Variants in AP5Z1 observed in about 807,000 individuals in gnomAD.
The protein encoded by AP5Z1 is AP-5 complex subunit zeta-1.
A neutral mutation model predicts 83.0 loss-of-function variants in AP5Z1; 106 were observed. The ratio of observed to expected loss-of-function variants is 1.28; its 90% CI spans 1.09 to 1.50. The LOEUF (loss-of-function observed/expected upper bound fraction) is 1.50, where lower values mean the gene tolerates loss of function less well. Among genes scored for constraint, AP5Z1 ranks in the 40% most tolerant of loss-of-function variants. AP5Z1 has a pLI of 0.00. For synonymous variants in AP5Z1, 751 were observed against 514.1 expected, an observed-to-expected ratio of 1.46 and a Z score of -6.23; for missense variants, 1,565 against 1,094.2, an observed-to-expected ratio of 1.43 and a Z score of -6.07.
chr7:4,777,351 C>CTTTT (rs1256767624), intron 1 of AP5Z1, among the ~76,000 whole-genome samples: 2 of 139,248 alleles, frequency 1.4e-5, no homozygotes, highest in Admixed American at 1.4e-4. Context: ...AGGAAGAGCC[C>CTTTT]TCTTTATTTA....
chr7:4,789,444 C>T (rs1781673334), intron 13 of AP5Z1, among the ~76,000 whole-genome samples: 1 of 152,238 alleles, frequency 6.6e-6, no homozygotes, highest in African/African-American at 2.4e-5. Flanking sequence ...CCCCCATCTC[C>T]CCCATTGCTG....
At position 4,785,617 on chromosome 7, in the gene AP5Z1, G is replaced by C; in HGVS notation, c.1065G>C (p.Gly355=). Residue 355 remains glycine (G), a synonymous_variant, in exon 9 of 17, where the codon GGG becomes GGC. Coordinates refer to ENST00000649063, the MANE Select transcript of AP5Z1 (RefSeq NM_014855.3). ...TCTCCTGCCTGAAGGCCCTGCACGG[G>C]CGGGTGCGCGGGGACCCGGCCTCTG... ...RSLSCLKALH[G]RVRGDPASVR... 6.3e-7 allele frequency: 1 copy of C among 1,579,736 alleles called. No homozygotes were observed. The highest frequency in any genetic ancestry group is 8.6e-7 in the Non-Finnish European group (1 of 1,166,008).
intron 3 of AP5Z1, 80 bp from the exon 4 acceptor site, chr7:4,783,236 T>C: frequency 6.8e-7 from 1 of 1,478,066 alleles, no homozygotes; most frequent in Non-Finnish European, 9.0e-7. Flanking sequence ...TTCTCAGGAG[T>C]GTCACACAGA....
In AP5Z1 at chr7:4,790,660, T is replaced by C; in HGVS notation, c.1939-13T>C. ...GGCCTGGGTGGGGGCTGAATCTCTG[T>C]CCCCGGGCCTAGGTGTGGGCCATCG... On this transcript the variant is annotated splice_polypyrimidine_tract_variant and intron_variant, in intron 15 of 16. Coordinates refer to ENST00000649063, the MANE Select transcript of AP5Z1 (RefSeq NM_014855.3). 1 of 1,612,002 alleles carries C rather than the reference T, an allele frequency of 6.2e-7. No homozygotes were observed. The highest frequency in any genetic ancestry group is 1.1e-5 in the South Asian group (1 of 91,026).
intron 7 of AP5Z1, 44 bp from the exon 8 acceptor site, chr7:4,785,371 C>T (rs1331620848): frequency 1.2e-6 from 2 of 1,604,740 alleles, no homozygotes; most frequent in Non-Finnish European, 1.7e-6. Flanking sequence ...TTGGGCCACT[C>T]TAAGGCTGAG....
At position 4,792,274 on chromosome 7, in the gene AP5Z1, A is replaced by C. The variant is rs1261508284; in HGVS notation, c.*889A>C. 1 of 151,610 alleles carries C rather than the reference A, an allele frequency of 6.6e-6. No individual in the cohort carries two copies. The highest frequency in any genetic ancestry group is 2.0e-4 in the East Asian group (1 of 5,122). The allele number at this position is 151,610 out of a possible 1,614,324, so 9.4% of individuals were successfully genotyped here. ...CGCCAGGGGGCGCCGCCGCCCCGAG[A>C]GCCTCACGCCCCGCCCCCAGGCTCA... On this transcript the variant is annotated 3_prime_UTR_variant, in exon 17 of 17. Transcript: ENST00000649063.
intron 12 of AP5Z1, 39 bp downstream of exon 12, chr7:4,788,333 G>A: frequency 6.5e-7 from 1 of 1,533,616 alleles, no homozygotes; most frequent in Non-Finnish European, 8.8e-7. Flanking sequence ...CAGTGGCTCA[G>A]AGAGCCCGGC....
chr7:4,784,177 C>T, intron 5 of AP5Z1, 26 bp from the exon 6 acceptor site: 1 of 1,565,486 alleles, frequency 6.4e-7, no homozygotes, highest in East Asian at 2.4e-5. Context: ...GCCCCCTCCG[C>T]CCACTCCTGC....
rs1781620514 is a variant in AP5Z1 at position 4,788,232 on chromosome 7, C to A, written c.1533C>A (p.Asp511Glu). The change falls in exon 12 of 17, where the codon GAC (aspartate) becomes GAA (glutamate). Residue 511 changes from aspartate to glutamate, a missense_variant. Coordinates refer to ENST00000649063, the MANE Select transcript of AP5Z1 (RefSeq NM_014855.3). The part of the protein sequence containing the change: ...RAPSCLEAFR[D>E]PQFQGLFQYL... ...CCAGCTGCCTGGAGGCCTTCCGGGA[C>A]CCGCAGTTCCAGGGTCTTTTCCAAT... 1 of 1,577,370 alleles carries A rather than the reference C, an allele frequency of 6.3e-7. No individual in the cohort carries two copies. The highest frequency in any genetic ancestry group is 2.3e-5 in the East Asian group (1 of 42,894).
At chr7:4,789,306 G>C (rs749770826) in intron 13 of AP5Z1, among the ~76,000 whole-genome samples, 2 of 152,292 alleles carry the variant, frequency 1.3e-5, no homozygotes, top group Non-Finnish European at 1.5e-5. Flanking sequence ...TCCGTCCCCA[G>C]GACAGGGCAA....
In AP5Z1 at chr7:4,793,085, C is replaced by T. The variant is rs1239672264; in HGVS notation, c.*1700C>T. ...AAGTCCGCAGCCTGTGCAGCAGCGC[C>T]CGGCTTAGGACTGGGAGTGTGACTT... On this transcript the variant is annotated 3_prime_UTR_variant, in exon 17 of 17. Coordinates refer to ENST00000649063, the MANE Select transcript of AP5Z1 (RefSeq NM_014855.3). 2 of 152,376 alleles carry T rather than the reference C, an allele frequency of 1.3e-5. No individual in the cohort carries two copies. The highest frequency in any genetic ancestry group is 1.9e-4 in the East Asian group (1 of 5,186). The allele number at this position is 152,376 out of a possible 1,614,324, so 9.4% of individuals were successfully genotyped here.
chr7:4,782,435 T>A (rs1781406871), intron 3 of AP5Z1, among the ~76,000 whole-genome samples: 1 of 152,196 alleles, frequency 6.6e-6, no homozygotes, highest in African/African-American at 2.4e-5. Flanking sequence ...TCTCTGCTCA[T>A]GGGTTGCCCA....
At position 4,783,353 on chromosome 7, in the gene AP5Z1, G is replaced by A. The variant is rs2115106388; in HGVS notation, c.404G>A (p.Gly135Asp). The change falls in exon 4 of 17, where the codon GGC becomes GAC. Residue 135 changes from glycine (G) to aspartate (D), a missense_variant. Gly to Asp is a moderately conservative substitution (Grantham distance 94). Coordinates refer to ENST00000649063, the MANE Select transcript of AP5Z1 (RefSeq NM_014855.3). ...RNEEVRAVGQ[G>D]VLRALESRQP... ...GAGGAGGTCAGAGCCGTGGGCCAGG[G>A]CGTGCTACGAGCGCTGGAGAGCCGG... 6.2e-7 allele frequency: 1 copy of A among 1,612,882 alleles called. No homozygotes were observed. The highest frequency in any genetic ancestry group is 2.2e-5 in the East Asian group (1 of 44,818).
rs1175566609 is a variant in AP5Z1, at chr7:4,783,476, C to T, written c.511+16C>T. 7 of 1,608,204 alleles carry T rather than the reference C, an allele frequency of 4.4e-6. No homozygotes were observed. The highest frequency in any genetic ancestry group is 5.9e-6 in the Non-Finnish European group (7 of 1,177,086). Reference sequence around the variant, plus strand: ...CTCCAGGAGGGTACGCGGGGCCCCTCCCAAGAGGCTGTTGGGGGTCTGCCT... The same window carrying T: ...CTCCAGGAGGGTACGCGGGGCCCCTTCCAAGAGGCTGTTGGGGGTCTGCCT... On this transcript the variant is annotated intron_variant, in intron 4 of 16. Coordinates refer to ENST00000649063, the MANE Select transcript of AP5Z1 (RefSeq NM_014855.3).
At chr7:4,790,620 G>T in intron 15 of AP5Z1, 29 bp downstream of exon 15, 1 of 1,612,134 alleles carries the variant, frequency 6.2e-7, no homozygotes, top group Middle Eastern at 1.7e-4. Context: ...TCCCACAGCC[G>T]CTCCTGACCC....
chr7:4,791,139 G>A lies in AP5Z1; in HGVS notation c.2178G>A (p.Met726Ile). ...GGGCCTCTTTATTGCTGTCAAAGATGAGGACCCTGGCTCACAGTCCAGCCA... is the reference window on the plus strand; with the variant it reads ...GGGCCTCTTTATTGCTGTCAAAGATAAGGACCCTGGCTCACAGTCCAGCCA... Reference protein sequence around the residue: ...IPRASLLLSKMRTLAHSPATS... With the variant: ...IPRASLLLSKIRTLAHSPATS... Residue 726 changes from methionine (M) to isoleucine (I), a missense_variant, in exon 17 of 17, where the codon ATG (methionine) becomes ATA (isoleucine). Transcript: ENST00000649063. 1 of 1,606,132 alleles carries A rather than the reference G, an allele frequency of 6.2e-7. No individual in the cohort carries two copies. Among genetic ancestry groups the A allele is most frequent in the East Asian group, 2.2e-5 (1 of 44,636 alleles).
At chr7:4,789,137 A>G in intron 13 of AP5Z1, 186 bp downstream of exon 13, 1 of 558,348 alleles carries the variant, frequency 1.8e-6, no homozygotes, top group East Asian at 3.1e-5. Context: ...CCCTTGTCCC[A>G]TCCCCTTTAT....
At chr7:4,781,440 A>C (rs1390134249) in intron 2 of AP5Z1, 128 bp downstream of exon 2, 1 of 1,541,204 alleles carries the variant, frequency 6.5e-7, no homozygotes, top group African/African-American at 1.4e-5. Context: ...CCAGTGCTGA[A>C]GGTCCATCCT....
rs571859846 is a variant in AP5Z1, at chr7:4,793,796, C to T, written c.*2411C>T. The T allele has an allele frequency of 7.8e-5, 12 of 153,498 alleles. No individual in the cohort carries two copies. The highest frequency in any genetic ancestry group is 2.0e-4 in the Admixed American group (3 of 15,306). 9.5% of individuals were successfully genotyped at this position (153,498 alleles called of 1,614,324 possible). ...CCCCTCCGTGGGTTCCTGCGCAGTC[C>T]GAGCCTCCCCAACGAGTGTTGCCAC... On this transcript the variant is annotated 3_prime_UTR_variant, in exon 17 of 17. Coordinates refer to ENST00000649063, the MANE Select transcript of AP5Z1 (RefSeq NM_014855.3).
Sources: allele counts gnomAD v4.1 joint callset (sites outside exome capture counted in the v4.1 genomes callset), GRCh38; gene constraint gnomAD v4.1.1; transcripts MANE v1.5; gene names NCBI Gene and HGNC (gene_info 2026-07-23, HGNC 2026-07-21).